Variants in IL1RAPL2 observed in about 807,000 individuals in gnomAD.
The protein encoded by IL1RAPL2 is interleukin 1 receptor accessory protein like 2.
IL1RAPL2 carries 3 observed loss-of-function variants against 44.1 expected under a neutral mutation model. The observed-to-expected ratio is 0.07, with a 90% CI of 0.03 to 0.18. The LOEUF (loss-of-function observed/expected upper bound fraction) is 0.18. Ranked by LOEUF, IL1RAPL2 falls within the 10% of genes least tolerant of loss-of-function variation. The pLI is 1.00. For missense variants in IL1RAPL2, 391 were observed against 496.4 expected (o/e 0.79, Z 2.02); for synonymous variants, 181 against 178.8 (o/e 1.01, Z -0.10).
intron 2 of IL1RAPL2, among the ~76,000 whole-genome samples, chrX:104,768,132 C>G (rs1424740693): frequency 9.0e-6 from 1 of 111,530 alleles, no homozygotes; most frequent in Non-Finnish European, 1.9e-5. Flanking sequence ...TGCATCACCT[C>G]ACATATTATT....
intron 5 of IL1RAPL2, among the ~76,000 whole-genome samples, chrX:105,323,981 G>A (rs778599629): frequency 2.7e-4 from 30 of 111,600 alleles, no homozygotes; most frequent in African/African-American, 8.8e-4. Context: ...GGTATTGTGT[G>A]TAGGAACTGT....
chrX:105,066,788 G>A (rs1471455476), intron 2 of IL1RAPL2, among the ~76,000 whole-genome samples: 1 of 111,827 alleles, frequency 8.9e-6, no homozygotes, highest in Non-Finnish European at 1.9e-5. Context: ...GAATATTACA[G>A]TGAACTTTGC....
chrX:104,929,069 T>C (rs1476400993), intron 2 of IL1RAPL2, among the ~76,000 whole-genome samples: 1 of 111,606 alleles, frequency 9.0e-6, no homozygotes, highest in Non-Finnish European at 1.9e-5. Flanking sequence ...GTTCCCAAGT[T>C]GACTTGTATG....
intron 5 of IL1RAPL2, among the ~76,000 whole-genome samples, chrX:105,369,875 G>A (rs751194232): frequency 3.6e-5 from 4 of 111,245 alleles, no homozygotes; most frequent in Non-Finnish European, 7.5e-5. Flanking sequence ...CCACTCTCCT[G>A]TTAGAGCAAG....
At chrX:105,764,774 C>G (rs1450537255) in intron 10 of IL1RAPL2, among the ~76,000 whole-genome samples, 2 of 110,767 alleles carry the variant, frequency 1.8e-5, no homozygotes, top group Non-Finnish European at 3.8e-5. Context: ...CCACTGCATT[C>G]CAGCCTAGGC....
At chrX:105,073,609 G>A (rs912143025) in intron 2 of IL1RAPL2, among the ~76,000 whole-genome samples, 6 of 111,098 alleles carry the variant, frequency 5.4e-5, no homozygotes, top group Admixed American at 9.6e-5. Context: ...AGATCCCTGA[G>A]GAATCACCAC....
chrX:104,944,446 TAGCAA>T (rs1479105195), intron 2 of IL1RAPL2, among the ~76,000 whole-genome samples: 3 of 112,128 alleles, frequency 2.7e-5, no homozygotes, highest in African/African-American at 9.7e-5. Flanking sequence ...TTTTACAGCC[TAGCAA>T]AGAAAGCAAA....
intron 5 of IL1RAPL2, among the ~76,000 whole-genome samples, chrX:105,360,488 TAACTC>T (rs745412676): frequency 1.1e-3 from 121 of 111,120 alleles, no homozygotes; most frequent in African/African-American, 3.9e-3. Context: ...AAATAAATAA[TAACTC>T]AAGATAGTAA....
At position 104,736,658 on chromosome X, in the gene IL1RAPL2, A is replaced by T. The variant is rs189090965; in HGVS notation, c.82+77663A>T. Among the ~76,000 whole-genome samples the T allele has an allele frequency of 1.8e-3, 197 of 112,219 alleles. 1 individual carries two copies. Among genetic ancestry groups the T allele is most frequent in the Non-Finnish European group, 3.2e-3 (168 of 53,066 alleles). ...AAACATGACTTCTTAAAGCAATTTT[A>T]AAAAGTAGCCTCTTGTCCTCCAAGG... On this transcript the variant is annotated intron_variant, in intron 2 of 10. Transcript: ENST00000372582.
At chrX:104,919,569 C>T (rs759006011) in intron 2 of IL1RAPL2, among the ~76,000 whole-genome samples, 1 of 98,445 alleles carries the variant, frequency 1.0e-5, no homozygotes, top group African/African-American at 3.8e-5. Flanking sequence ...CTTACTCTGT[C>T]GCCCAGGCTA....
At chrX:105,510,086 G>A (rs1270316504) in intron 6 of IL1RAPL2, among the ~76,000 whole-genome samples, 1 of 111,290 alleles carries the variant, frequency 9.0e-6, no homozygotes, top group African/African-American at 3.3e-5. Context: ...AGGCTGAGGA[G>A]GGGAATGCTT....
intron 2 of IL1RAPL2, among the ~76,000 whole-genome samples, chrX:104,672,666 C>T (rs1410479046): frequency 2.9e-5 from 3 of 102,513 alleles, no homozygotes; most frequent in Non-Finnish European, 4.0e-5. Context: ...CCTGAGGAAT[C>T]GCCACACTGA....
At chrX:104,964,525 A>G (rs2030080427) in intron 2 of IL1RAPL2, among the ~76,000 whole-genome samples, 2 of 109,209 alleles carry the variant, frequency 1.8e-5, no homozygotes, top group African/African-American at 6.7e-5. Flanking sequence ...GTTAGCCAGG[A>G]TGGTCTCGAT....
chrX:105,029,541 G>A (rs2031443687), intron 2 of IL1RAPL2, among the ~76,000 whole-genome samples: 1 of 106,459 alleles, frequency 9.4e-6, no homozygotes, highest in Non-Finnish European at 1.9e-5. Flanking sequence ...TGAGAATGAT[G>A]GTTTCCAGTT....
chrX:104,951,961 C>A (rs1925597190), intron 2 of IL1RAPL2, among the ~76,000 whole-genome samples: 1 of 112,279 alleles, frequency 8.9e-6, no homozygotes, highest in South Asian at 3.7e-4. Flanking sequence ...TGTATTGAGA[C>A]AGGACTGTAA....
chrX:104,778,729 T>A (rs1258887339), intron 2 of IL1RAPL2, among the ~76,000 whole-genome samples: 1 of 109,185 alleles, frequency 9.2e-6, no homozygotes, highest in Non-Finnish European at 1.9e-5. Context: ...TATATATAAT[T>A]TTTACCAGCC....
At chrX:104,776,395 A>G (rs1008251170) in intron 2 of IL1RAPL2, among the ~76,000 whole-genome samples, 4 of 111,999 alleles carry the variant, frequency 3.6e-5, no homozygotes, top group African/African-American at 1.3e-4. Context: ...AAATGAAGAC[A>G]ATGTTGCTCT....
chrX:105,383,051 A>G (rs968836111), intron 5 of IL1RAPL2, among the ~76,000 whole-genome samples: 59 of 109,438 alleles, frequency 5.4e-4, no homozygotes, highest in African/African-American at 1.8e-3. Flanking sequence ...GCACACGAAC[A>G]TGGCACATGT....
Position 104,929,356 on chromosome X carries a change from C to G in IL1RAPL2, c.83-266119C>G, listed in dbSNP as rs771445122. Reference sequence around the variant, plus strand: ...CCCAAAAGAACCTTCTGCAATCACACTGCGGGGGACCACTTTCTATGCCCT... The same window carrying G: ...CCCAAAAGAACCTTCTGCAATCACAGTGCGGGGGACCACTTTCTATGCCCT... On this transcript the variant is annotated intron_variant, in intron 2 of 10. Coordinates refer to ENST00000372582, the MANE Select transcript of IL1RAPL2 (RefSeq NM_017416.2). Among the ~76,000 whole-genome samples, 19 of 111,910 alleles carry G rather than the reference C, an allele frequency of 1.7e-4. No individual in the cohort carries two copies. The South Asian group carries it at 7.2e-3, about 42-fold the overall frequency.
Sources: allele counts gnomAD v4.1 joint callset (sites outside exome capture counted in the v4.1 genomes callset), GRCh38; gene constraint gnomAD v4.1.1; transcripts MANE v1.5; gene names NCBI Gene and HGNC (gene_info 2026-07-23, HGNC 2026-07-21).